MTMR6: variants seen among roughly 807,000 people sequenced by gnomAD.
MTMR6 encodes the protein myotubularin related protein 6, also known as phosphatidylinositol-3,5-bisphosphate 3-phosphatase MTMR6.
Under a neutral mutation model 80.1 loss-of-function variants are expected in MTMR6, and 47 were observed. The ratio of observed to expected loss-of-function variants is 0.59; its 90% confidence interval spans 0.46 to 0.75. The LOEUF (loss-of-function observed/expected upper bound fraction) is 0.75, where lower values mean the gene tolerates loss of function less well. Ranked by LOEUF, MTMR6 falls within the 30% of genes least tolerant of loss-of-function variation. The pLI is 0.00. For missense variants in MTMR6, 629 were observed against 730.9 expected (o/e 0.86, Z 1.61); for synonymous variants, 254 against 253.0 (o/e 1.00, Z -0.04).
At chr13:25,277,053 G>T (rs751633621) in intron 1 of MTMR6, among the ~76,000 whole-genome samples, 1 of 152,168 alleles carries the variant, frequency 6.6e-6, no homozygotes, top group Non-Finnish European at 1.5e-5. Context: ...CCACTTAGAT[G>T]TGTTTGAGCC....
intron 5 of MTMR6, among the ~76,000 whole-genome samples, chr13:25,262,573 G>GC (rs764477967): frequency 2.5e-4 from 38 of 152,102 alleles, no homozygotes; most frequent in Non-Finnish European, 4.4e-4. Context: ...TTGCCATGTT[G>GC]CCCAGGCTGG....
intron 5 of MTMR6, among the ~76,000 whole-genome samples, chr13:25,262,104 C>T (rs577099587): frequency 1.1e-4 from 16 of 152,188 alleles, no homozygotes; most frequent in Middle Eastern, 3.4e-3. Context: ...CTTCATTCTG[C>T]GCTCCATTTA....
At chr13:25,262,357 A>C (rs1161360391) in intron 5 of MTMR6, among the ~76,000 whole-genome samples, 1 of 152,154 alleles carries the variant, frequency 6.6e-6, no homozygotes, top group Non-Finnish European at 1.5e-5. Flanking sequence ...TTCATTATTT[A>C]CTGTTTTTTG....
At chr13:25,275,745 T>C (rs112942122) in intron 1 of MTMR6, among the ~76,000 whole-genome samples, 2,837 of 148,308 alleles carry the variant, frequency 0.019, 104 homozygotes, top group African/African-American at 0.067. Context: ...CCTATAATCC[T>C]AGCTACTCGG....
intron 1 of MTMR6, among the ~76,000 whole-genome samples, chr13:25,277,582 C>G (rs997082883): frequency 6.6e-6 from 1 of 152,070 alleles, no homozygotes; most frequent in African/African-American, 2.4e-5. Flanking sequence ...TCCCATTATA[C>G]TTTTCCTCAT....
intron 10 of MTMR6, 128 bp from the exon 11 acceptor site, chr13:25,254,092 T>G: frequency 1.0e-6 from 1 of 964,952 alleles, no homozygotes; most frequent in Non-Finnish European, 1.5e-6. Context: ...ACTAGAATTT[T>G]TATTGAAACC....
chr13:25,270,134 T>A (rs1025653013), intron 2 of MTMR6, among the ~76,000 whole-genome samples: 7 of 152,220 alleles, frequency 4.6e-5, no homozygotes, highest in African/African-American at 1.7e-4. Flanking sequence ...ATGTCAGTGC[T>A]GAATTTTTGG....
chr13:25,254,006 A>C (rs780393516), intron 10 of MTMR6, 42 bp from the exon 11 acceptor site: 1 of 1,582,720 alleles, frequency 6.3e-7, no homozygotes, highest in Non-Finnish European at 8.7e-7. Context: ...ACACCTCTGA[A>C]AGGTCCATTG....
chr13:25,282,151 T>C (rs1000979287), intron 1 of MTMR6, among the ~76,000 whole-genome samples: 3 of 152,104 alleles, frequency 2.0e-5, no homozygotes, highest in Non-Finnish European at 4.4e-5. Context: ...GTTCCCTTTG[T>C]TGGGACTCTC....
At chr13:25,266,042 C>T in intron 4 of MTMR6, 87 bp downstream of exon 4, 1 of 1,592,344 alleles carries the variant, frequency 6.3e-7, no homozygotes, top group Non-Finnish European at 8.6e-7. Flanking sequence ...CAGCACATTT[C>T]AGTACACAGA....
chr13:25,252,309 C>A (rs911821861), intron 11 of MTMR6, among the ~76,000 whole-genome samples: 2 of 152,196 alleles, frequency 1.3e-5, no homozygotes, highest in African/African-American at 4.8e-5. Context: ...TCACCACAAA[C>A]ATACACATAG....
At chr13:25,263,898 A>G (rs1292867686) in intron 5 of MTMR6, among the ~76,000 whole-genome samples, 2 of 152,196 alleles carry the variant, frequency 1.3e-5, no homozygotes, top group Non-Finnish European at 2.9e-5. Flanking sequence ...AGAAGAAAAA[A>G]GAAAAAAGAA....
Position 25,251,435 on chromosome 13 carries a change from C to T in MTMR6, c.1605+214G>A, listed in dbSNP as rs561434175. Among the ~76,000 whole-genome samples the T allele has an allele frequency of 3.3e-5, 5 of 152,242 alleles. No homozygotes were observed. The highest frequency in any genetic ancestry group is 7.4e-5 in the Non-Finnish European group (5 of 68,020). Reference sequence around the variant, plus strand: ...CAGATAGTTATTATGTTTATCTATACGTTATGCTATATACTTCCGGTATTT... The same window carrying T: ...CAGATAGTTATTATGTTTATCTATATGTTATGCTATATACTTCCGGTATTT... On this transcript the variant is annotated intron_variant, in intron 13 of 13. Transcript: ENST00000381801. The surrounding 1 kb of genome is among the most constrained non-coding windows in gnomAD (Gnocchi z 4.1).
intron 1 of MTMR6, among the ~76,000 whole-genome samples, chr13:25,280,758 GA>G (rs1313569570): frequency 1.3e-5 from 2 of 150,556 alleles, no homozygotes; most frequent in African/African-American, 2.4e-5. Context: ...AAAAGTAAAT[GA>G]AAAAAAAGAA....
intron 5 of MTMR6, among the ~76,000 whole-genome samples, chr13:25,263,587 C>T (rs765719322): frequency 6.6e-6 from 1 of 152,152 alleles, no homozygotes; most frequent in Non-Finnish European, 1.5e-5. Flanking sequence ...CCAACTTATA[C>T]AACAGAAAGA....
chr13:25,256,222 TG>T (rs372065619), intron 9 of MTMR6, among the ~76,000 whole-genome samples: 1 of 152,350 alleles, frequency 6.6e-6, no homozygotes, highest in African/African-American at 2.4e-5. Flanking sequence ...TGATTTACAC[TG>T]TTCCTATTGC....
At chr13:25,283,699 A>T (rs1957905015) in intron 1 of MTMR6, among the ~76,000 whole-genome samples, 1 of 152,210 alleles carries the variant, frequency 6.6e-6, no homozygotes, top group Non-Finnish European at 1.5e-5. Context: ...TTTATAGCTT[A>T]AAAAAGGTTC....
rs748548397 is a variant in MTMR6 at position 25,261,667 on chromosome 13, C to G, written c.726+1G>C. 6.2e-7 allele frequency: 1 copy of G among 1,606,804 alleles called. No individual in the cohort carries two copies. Among genetic ancestry groups the G allele is most frequent in the Non-Finnish European group, 8.5e-7 (1 of 1,175,996 alleles). On this transcript the variant is annotated splice_donor_variant, in intron 6 of 13. Coordinates refer to ENST00000381801, the MANE Select transcript of MTMR6 (RefSeq NM_004685.5). LOFTEE classifies it high-confidence loss of function. ...GACTGTACTGTATTTAAAATACATA[C>G]TTTTGGCCTGGTATCCATGACGTAC...
intron 5 of MTMR6, among the ~76,000 whole-genome samples, chr13:25,263,291 A>G (rs1371256245): frequency 6.6e-6 from 1 of 152,234 alleles, no homozygotes; most frequent in Non-Finnish European, 1.5e-5. Flanking sequence ...ACTGAAAAAA[A>G]GGAGAACTGC....
Sources: gnomAD v4.1 joint callset for allele counts (sites outside exome capture counted in the v4.1 genomes callset) on GRCh38, gnomAD v4.1.1 for gene constraint, Gnocchi (gnomAD v3.1) non-coding constraint, MANE v1.5 for transcripts, NCBI Gene and HGNC (gene_info 2026-07-23, HGNC 2026-07-21) for gene names.